The following HERC3 variants were observed in gnomAD, a reference collection of about 807,000 sequenced individuals.
The protein encoded by HERC3 is HECT and RLD domain containing E3 ubiquitin protein ligase 3, also known as probable E3 ubiquitin-protein ligase HERC3.
Under a neutral mutation model 129.9 loss-of-function variants are expected in HERC3, and 58 were observed. That is an observed-to-expected ratio of 0.45 (90% CI 0.36 to 0.56). HERC3 has a LOEUF of 0.56. HERC3 is among the 20% of genes least tolerant of loss of function. HERC3 has a pLI of 0.00. For missense variants in HERC3, 835 were observed against 1,244.2 expected (o/e 0.67, Z 4.95); for synonymous variants, 430 against 451.0 (o/e 0.95, Z 0.59).
Position 88,662,477 on chromosome 4 carries a change from A to G in HERC3, c.1193A>G (p.Tyr398Cys). The G allele has an allele frequency of 6.2e-7, 1 of 1,613,282 alleles. No homozygotes were observed. ...TTCAGGACTATGAACCAAGCACATT[A>G]TACCAGTTTAATAAATGATGAAACC... Reference protein sequence around the residue: ...VDFRTMNQAHYTSLINDETIA... With the variant: ...VDFRTMNQAHCTSLINDETIA... The change falls in exon 11 of 26, where the codon TAT (tyrosine) becomes TGT (cysteine). Residue 398 changes from tyrosine (Y) to cysteine (C), a missense_variant. Coordinates refer to ENST00000402738, the MANE Select transcript of HERC3 (RefSeq NM_014606.3).
chr4:88,690,749 C>G (rs1733991032), intron 23 of HERC3: 1 of 317,948 alleles, frequency 3.1e-6, no homozygotes, highest in South Asian at 1.2e-4. Context: ...TTTTTGTTCT[C>G]TTTCTGAGTC....
chr4:88,581,155 C>A, the HERC3 span, among the ~76,000 whole-genome samples: 1 of 152,094 alleles, frequency 6.6e-6, no homozygotes, highest in Non-Finnish European at 1.5e-5. Flanking sequence ...CTGATAATTC[C>A]TGCTTCTCTT....
At position 88,652,983 on chromosome 4, in the gene HERC3, C is replaced by T. The variant is rs1328649922; in HGVS notation, c.578C>T (p.Ala193Val). 3.7e-6 allele frequency: 6 copies of T among 1,614,196 alleles called. No homozygotes were observed. Among genetic ancestry groups the T allele is most frequent in the Non-Finnish European group, 5.1e-6 (6 of 1,180,036 alleles). ...RVRSLEGIPL[A>V]QVAAGGAHSF... ...AGGTCCCTGGAGGGGATCCCACTGGCTCAGGTGGCTGCCGGAGGGGCTCAC... is the reference window on the plus strand; with the variant it reads ...AGGTCCCTGGAGGGGATCCCACTGGTTCAGGTGGCTGCCGGAGGGGCTCAC... Residue 193 changes from alanine to valine, a missense_variant, in exon 6 of 26, where the codon GCT (alanine) becomes GTT (valine). By Grantham distance (64) the Ala-to-Val change is moderately conservative. Transcript: ENST00000402738.
chr4:88,630,528 A>G (rs997512264), intron 3 of HERC3, among the ~76,000 whole-genome samples: 2 of 152,194 alleles, frequency 1.3e-5, no homozygotes, highest in African/African-American at 2.4e-5. Context: ...GTACCCAAGC[A>G]GGCCGTGGTT....
chr4:88,643,818 T>C (rs192091470), intron 3 of HERC3, among the ~76,000 whole-genome samples: 1 of 152,286 alleles, frequency 6.6e-6, no homozygotes, highest in East Asian at 1.9e-4. Flanking sequence ...AAATTCTTCA[T>C]AACCTGAGGT....
At chr4:88,561,782 G>T in the HERC3 span, among the ~76,000 whole-genome samples, 1 of 151,866 alleles carries the variant, frequency 6.6e-6, no homozygotes, top group African/African-American at 2.4e-5. Flanking sequence ...TCCATGCCTG[G>T]TTTATTTCAT....
At chr4:88,558,479 A>T in the HERC3 span, among the ~76,000 whole-genome samples, 2 of 152,180 alleles carry the variant, frequency 1.3e-5, no homozygotes, top group African/African-American at 4.8e-5. Context: ...GAATGACATA[A>T]TGGACCTGGT....
At chr4:88,619,533 A>G (rs896184524) in intron 3 of HERC3, among the ~76,000 whole-genome samples, 1 of 152,130 alleles carries the variant, frequency 6.6e-6, no homozygotes, top group African/African-American at 2.4e-5. Flanking sequence ...AAATAATAGG[A>G]AAAAAAATTA....
At chr4:88,658,185 G>A in intron 9 of HERC3, 1 of 337,784 alleles carries the variant, frequency 3.0e-6, no homozygotes, top group Non-Finnish European at 5.3e-6. Flanking sequence ...TGGCAGTTGG[G>A]GAGGGGCAGA....
In HERC3 at chr4:88,654,348, TCATATATATATATATATATATATA is replaced by T. The variant is rs1199022845; in HGVS notation, c.777+216_777+239del. ...CCTCTTTGGTAATCTTGTAGATTTT[TCATATATATATATATATATATATA>T]TATATATATATATATACACACACAC... On this transcript the variant is annotated intron_variant, in intron 7 of 25. Transcript: ENST00000402738. Among the ~76,000 whole-genome samples the T allele has an allele frequency of 1.9e-4, 21 of 109,658 alleles. No homozygotes were observed. The East Asian group carries it at 2.3e-3, about 12-fold the overall frequency. The allele number at this position is 109,658 out of a possible 152,430, so 71.9% of individuals were successfully genotyped here. A position where few individuals can be genotyped will look rare whatever the true frequency, so the allele number is the denominator to read the frequency against.
chr4:88,578,456 C>T, the HERC3 span, among the ~76,000 whole-genome samples: 3 of 151,892 alleles, frequency 2.0e-5, no homozygotes, highest in Non-Finnish European at 2.9e-5. Context: ...GAGGGGGGCG[C>T]CTGTAGTCCC....
chr4:88,538,168 G>A, the HERC3 span, among the ~76,000 whole-genome samples: 5 of 152,156 alleles, frequency 3.3e-5, no homozygotes, highest in Non-Finnish European at 7.4e-5. Flanking sequence ...TAAATGGGAG[G>A]TTCTTAAACT....
chr4:88,681,900 C>A (rs1732821704), intron 21 of HERC3, among the ~76,000 whole-genome samples: 1 of 152,168 alleles, frequency 6.6e-6, no homozygotes, highest in South Asian at 2.1e-4. Context: ...CTATCAAATA[C>A]TAGGTCATAT....
At chr4:88,597,412 C>G (rs1312199237) in intron 2 of HERC3, among the ~76,000 whole-genome samples, 1 of 152,190 alleles carries the variant, frequency 6.6e-6, no homozygotes, top group Non-Finnish European at 1.5e-5. Flanking sequence ...AGTACAGGAG[C>G]ACCATAGATG....
chr4:88,601,726 T>C (rs979527714), intron 2 of HERC3, among the ~76,000 whole-genome samples: 3 of 152,214 alleles, frequency 2.0e-5, no homozygotes, highest in Non-Finnish European at 4.4e-5. Flanking sequence ...ATTCTTAATA[T>C]GGAGAGACTA....
At chr4:88,570,991 C>G in the HERC3 span, among the ~76,000 whole-genome samples, 1 of 151,984 alleles carries the variant, frequency 6.6e-6, no homozygotes, top group Non-Finnish European at 1.5e-5. Context: ...ATCTCCTGAC[C>G]TTGTGATCCA....
the HERC3 span, among the ~76,000 whole-genome samples, chr4:88,548,237 A>T: frequency 6.6e-6 from 1 of 152,350 alleles, no homozygotes; most frequent in Non-Finnish European, 1.5e-5. Context: ...ATTGGTGGCC[A>T]TATAACTCTG....
intron 1 of HERC3, among the ~76,000 whole-genome samples, 175 bp downstream of exon 1, chr4:88,592,749 C>T (rs1050908685): frequency 6.6e-6 from 1 of 152,048 alleles, no homozygotes; most frequent in African/African-American, 2.4e-5. Context: ...CGACCTGGGT[C>T]TGGGGCGCGG....
intron 5 of HERC3, 134 bp from the exon 6 acceptor site, chr4:88,652,735 A>G (rs184586834): frequency 4.7e-4 from 411 of 874,732 alleles, no homozygotes; most frequent in Non-Finnish European, 6.4e-4. Context: ...GATAGCATGA[A>G]GTATCTCTGT....
Sources: allele counts gnomAD v4.1 joint callset (sites outside exome capture counted in the v4.1 genomes callset), GRCh38; gene constraint gnomAD v4.1.1; transcripts MANE v1.5; gene names NCBI Gene and HGNC (gene_info 2026-07-23, HGNC 2026-07-21).